FAM120A: variants seen among roughly 807,000 people sequenced by gnomAD.
FAM120A encodes constitutive coactivator of PPAR-gamma-like protein 1.
Under a neutral mutation model 109.7 loss-of-function variants are expected in FAM120A, and 15 were observed. That is an observed-to-expected ratio of 0.14 (90% CI 0.09 to 0.21). The LOEUF (loss-of-function observed/expected upper bound fraction) is 0.21. Among genes scored for constraint, FAM120A ranks in the 10% least tolerant of loss-of-function variants. FAM120A has a pLI of 1.00. For missense variants in FAM120A, 899 were observed against 1,439.3 expected (o/e 0.62, Z 6.07); for synonymous variants, 493 against 572.8 (o/e 0.86, Z 1.99).
intron 5 of FAM120A, among the ~76,000 whole-genome samples, chr9:93,505,418 A>C (rs1295078104): frequency 6.6e-6 from 1 of 152,042 alleles, no homozygotes; most frequent in Non-Finnish European, 1.5e-5. Flanking sequence ...GGGATACTTA[A>C]TATATATATT....
chr9:93,451,817 C>A lies in FAM120A; in HGVS notation c.-99C>A. The A allele has an allele frequency of 1.0e-6, 1 of 963,462 alleles. No individual in the cohort carries two copies. Among genetic ancestry groups the A allele is most frequent in the Non-Finnish European group, 1.2e-6 (1 of 814,226 alleles). 59.7% of individuals were successfully genotyped at this position (963,462 alleles called of 1,614,324 possible). ...ACCCGCCCCAGTCCCCCCTAGAGGC[C>A]GCCGCCCCCGCCCGCCAGCCCGCCC... On this transcript the variant is annotated 5_prime_UTR_variant, in exon 1 of 18. Coordinates refer to ENST00000277165, the MANE Select transcript of FAM120A (RefSeq NM_014612.5).
intron 5 of FAM120A, among the ~76,000 whole-genome samples, chr9:93,508,041 G>A (rs938174126): frequency 3.3e-5 from 5 of 152,114 alleles, no homozygotes; most frequent in African/African-American, 1.2e-4. Context: ...TGGTTTTGGT[G>A]CACATGTGGT....
chr9:93,501,217 G>A (rs988637130), intron 5 of FAM120A, among the ~76,000 whole-genome samples: 1 of 152,078 alleles, frequency 6.6e-6, no homozygotes, highest in Non-Finnish European at 1.5e-5. Context: ...AGTGTACTTG[G>A]GACTGGAAAA....
At chr9:93,453,540 G>T (rs890356525) in intron 1 of FAM120A, 5 of 985,302 alleles carry the variant, frequency 5.1e-6, no homozygotes, top group Admixed American at 1.2e-4. Context: ...TGTCTTCGCG[G>T]TTGCCCCCAC....
chr9:93,555,540 A>G (rs979512982), intron 12 of FAM120A, among the ~76,000 whole-genome samples: 6 of 152,224 alleles, frequency 3.9e-5, no homozygotes, highest in Admixed American at 2.0e-4. Context: ...CGGAAGACAA[A>G]AGCCAGAGCA....
chr9:93,508,944 A>G (rs986284764), intron 5 of FAM120A, among the ~76,000 whole-genome samples: 3 of 152,222 alleles, frequency 2.0e-5, no homozygotes, highest in African/African-American at 4.8e-5. Context: ...GACAATATGT[A>G]AAGAATGATT....
chr9:93,523,300 A>C, intron 7 of FAM120A: 9 of 1,288,238 alleles, frequency 7.0e-6, no homozygotes, highest in Non-Finnish European at 9.1e-6. Context: ...CTCTACTTGC[A>C]AAAAAACTTT....
chr9:93,460,461 C>T (rs1037479935), intron 1 of FAM120A, among the ~76,000 whole-genome samples: 1 of 152,146 alleles, frequency 6.6e-6, no homozygotes, highest in Non-Finnish European at 1.5e-5. Flanking sequence ...CCTGCCTCAG[C>T]CTCCCAAGTA....
chr9:93,496,788 T>C (rs149027982), intron 3 of FAM120A, among the ~76,000 whole-genome samples: 15 of 152,346 alleles, frequency 9.8e-5, no homozygotes, highest in African/African-American at 3.4e-4. Context: ...GCAAAGCTCT[T>C]ATTAGGTGGC....
At chr9:93,555,058 G>A (rs1016569135) in intron 12 of FAM120A, among the ~76,000 whole-genome samples, 1 of 152,094 alleles carries the variant, frequency 6.6e-6, no homozygotes, top group South Asian at 2.1e-4. Flanking sequence ...GGGTGGCTGG[G>A]GTCTAAATGA....
At chr9:93,503,503 C>G (rs1177570841) in intron 5 of FAM120A, among the ~76,000 whole-genome samples, 1 of 152,084 alleles carries the variant, frequency 6.6e-6, no homozygotes, top group Admixed American at 6.6e-5. Flanking sequence ...CTGTGCGATT[C>G]CAACTATAGG....
chr9:93,539,723 T>C (rs1351035572), intron 10 of FAM120A, among the ~76,000 whole-genome samples: 1 of 152,236 alleles, frequency 6.6e-6, no homozygotes, highest in Non-Finnish European at 1.5e-5. Flanking sequence ...GTGGATTGAA[T>C]AATACCGTGA....
At chr9:93,521,186 C>G (rs567337988) in intron 7 of FAM120A, among the ~76,000 whole-genome samples, 1 of 152,170 alleles carries the variant, frequency 6.6e-6, no homozygotes, top group African/African-American at 2.4e-5. Context: ...GTTGGAAGCT[C>G]AGTTCTGAGT....
intron 15 of FAM120A, 22 bp from the exon 16 acceptor site, chr9:93,561,086 CT>C (rs749271972): frequency 4.3e-6 from 7 of 1,609,846 alleles, no homozygotes; most frequent in Non-Finnish European, 4.2e-6. Flanking sequence ...AAGATTTTGT[CT>C]TTTTGTATAT....
At chr9:93,462,851 G>A (rs1857855720) in intron 1 of FAM120A, among the ~76,000 whole-genome samples, 1 of 152,196 alleles carries the variant, frequency 6.6e-6, no homozygotes, top group Non-Finnish European at 1.5e-5. Context: ...CATACATGTT[G>A]TAACGTGTCA....
intron 7 of FAM120A, among the ~76,000 whole-genome samples, chr9:93,519,006 T>C (rs1860729583): frequency 6.6e-6 from 1 of 152,158 alleles, no homozygotes; most frequent in African/African-American, 2.4e-5. Context: ...TCTTCCAGTG[T>C]GGCCCAGGGA....
intron 5 of FAM120A, among the ~76,000 whole-genome samples, chr9:93,504,377 A>G (rs193279669): frequency 6.6e-6 from 1 of 152,346 alleles, no homozygotes; most frequent in Admixed American, 6.5e-5. Context: ...CTATCATACT[A>G]CAATGTGTTA....
chr9:93,548,862 G>A (rs1382075496), intron 11 of FAM120A, among the ~76,000 whole-genome samples: 1 of 152,112 alleles, frequency 6.6e-6, no homozygotes, highest in Non-Finnish European at 1.5e-5. Context: ...GGCCAACACA[G>A]TGAAACCCTG....
chr9:93,548,284 G>A (rs951009586), intron 11 of FAM120A, among the ~76,000 whole-genome samples: 3 of 151,928 alleles, frequency 2.0e-5, no homozygotes, highest in African/African-American at 7.3e-5. Context: ...TTTTGTTTTT[G>A]TATTTTTAGT....
Sources: allele counts gnomAD v4.1 joint callset (sites outside exome capture counted in the v4.1 genomes callset), GRCh38; gene constraint gnomAD v4.1.1; transcripts MANE v1.5; gene names NCBI Gene and HGNC (gene_info 2026-07-23, HGNC 2026-07-21).